Variants in COL15A1 observed in about 807,000 individuals in gnomAD.
COL15A1 encodes the protein collagen type XV alpha 1 chain.
A neutral mutation model predicts 165.9 loss-of-function variants in COL15A1; 111 were observed. The observed-to-expected ratio is 0.67, with a 90% CI of 0.57 to 0.78. The LOEUF (loss-of-function observed/expected upper bound fraction) is 0.78. Among genes scored for constraint, COL15A1 ranks in the 30% least tolerant of loss-of-function variants. COL15A1 has a pLI of 0.00. For synonymous variants in COL15A1, 659 were observed against 674.8 expected (o/e 0.98, Z 0.36); for missense variants, 1,745 against 1,789.7 (o/e 0.98, Z 0.45).
chr9:98,961,461 G>T (rs1837864234), intron 2 of COL15A1, among the ~76,000 whole-genome samples: 1 of 152,194 alleles, frequency 6.6e-6, no homozygotes, highest in African/African-American at 2.4e-5. Flanking sequence ...AACAGATTTA[G>T]CCAGGAAAGG....
rs928025482 is a variant in COL15A1 at position 98,985,425 on chromosome 9, T to C, written c.101-140T>C. On this transcript the variant is annotated intron_variant, in intron 2 of 41. Coordinates refer to ENST00000375001, the MANE Select transcript of COL15A1 (RefSeq NM_001855.5). ...TTTTTGTGGGTCGTTGTCAAAACGT[T>C]TGAAAAACAACCATTTAGGAACTAC... 5.2e-5 allele frequency: 44 copies of C among 849,504 alleles called. No homozygotes were observed. In the South Asian group the frequency reaches 6.1e-4, roughly 12 times the overall value. 52.6% of individuals were successfully genotyped at this position (849,504 alleles called of 1,614,324 possible). A position where few individuals can be genotyped will look rare whatever the true frequency, so the allele number is the denominator to read the frequency against.
intron 5 of COL15A1, among the ~76,000 whole-genome samples, chr9:98,992,288 A>C (rs1038929707): frequency 6.6e-6 from 1 of 152,258 alleles, no homozygotes; most frequent in African/African-American, 2.4e-5. Flanking sequence ...ATTCGAGAGC[A>C]GTGCGGGCCG....
At chr9:98,972,323 G>C (rs1470789008) in intron 2 of COL15A1, among the ~76,000 whole-genome samples, 3 of 152,058 alleles carry the variant, frequency 2.0e-5, no homozygotes, top group Admixed American at 2.0e-4. Flanking sequence ...GAAAGACTCT[G>C]ATTCCATAGG....
At chr9:99,048,056 G>A (rs1325066507) in intron 28 of COL15A1, 56 bp downstream of exon 28, 2 of 948,282 alleles carry the variant, frequency 2.1e-6, no homozygotes, top group African/African-American at 1.6e-5. Flanking sequence ...GTGAGAGAGT[G>A]TGGGGTCCAC....
At chr9:99,009,968 T>A (rs1394081656) in intron 9 of COL15A1, among the ~76,000 whole-genome samples, 1 of 152,262 alleles carries the variant, frequency 6.6e-6, no homozygotes, top group Non-Finnish European at 1.5e-5. Flanking sequence ...TTGACATTAA[T>A]GGTTAATTTA....
rs186960928 is a variant in COL15A1, at chr9:99,058,466, A to G, written c.3338-1423A>G. ...AACCACAGGTGCCCACACAGCCATG[A>G]GGGAGGAGTAGGACTACAGGAGGTG... On this transcript the variant is annotated intron_variant, in intron 35 of 41. Transcript: ENST00000375001. Among the ~76,000 whole-genome samples, 531 of 152,292 alleles carry G rather than the reference A, an allele frequency of 3.5e-3. 1 individual carries two copies. Among genetic ancestry groups the G allele is most frequent in the Non-Finnish European group, 5.0e-3 (338 of 68,024 alleles).
intron 2 of COL15A1, among the ~76,000 whole-genome samples, chr9:98,956,449 A>C (rs563905803): frequency 6.6e-6 from 1 of 152,336 alleles, no homozygotes; most frequent in African/African-American, 2.4e-5. Context: ...TTATATATAC[A>C]CACATGCATA....
intron 2 of COL15A1, among the ~76,000 whole-genome samples, chr9:98,982,494 T>A (rs919750725): frequency 7.9e-5 from 12 of 152,196 alleles, no homozygotes; most frequent in African/African-American, 2.7e-4. Flanking sequence ...GGGCAGGGTC[T>A]GGTACGATAG....
intron 2 of COL15A1, among the ~76,000 whole-genome samples, chr9:98,968,636 A>G (rs1156924407): frequency 6.6e-6 from 1 of 152,170 alleles, no homozygotes; most frequent in Non-Finnish European, 1.5e-5. Flanking sequence ...ACTTAATTAC[A>G]TCTCAAAGAC....
intron 9 of COL15A1, among the ~76,000 whole-genome samples, chr9:99,014,240 T>C (rs1375579601): frequency 2.6e-5 from 4 of 152,202 alleles, no homozygotes; most frequent in African/African-American, 9.6e-5. Context: ...TTACTAGAGA[T>C]AGGTCTTAGG....
At chr9:99,001,680 A>C (rs1838657937) in intron 7 of COL15A1, among the ~76,000 whole-genome samples, 1 of 152,018 alleles carries the variant, frequency 6.6e-6, no homozygotes, top group South Asian at 2.1e-4. Context: ...CTATTTTCTT[A>C]CTTCTCTCTC....
intron 16 of COL15A1, among the ~76,000 whole-genome samples, chr9:99,031,928 T>A (rs554459257): frequency 4.8e-4 from 73 of 152,298 alleles, no homozygotes; most frequent in Middle Eastern, 3.4e-3. Flanking sequence ...CTGGATTTTT[T>A]AAAATGTTTT....
chr9:99,028,484 C>T (rs1008200728), intron 16 of COL15A1, among the ~76,000 whole-genome samples: 1 of 152,104 alleles, frequency 6.6e-6, no homozygotes, highest in Admixed American at 6.6e-5. Flanking sequence ...AACTTCGTCT[C>T]TACTAAAAAT....
At chr9:99,036,816 A>C (rs1839310014) in intron 21 of COL15A1, among the ~76,000 whole-genome samples, 1 of 152,228 alleles carries the variant, frequency 6.6e-6, no homozygotes, top group South Asian at 2.1e-4. Context: ...GGAGAGCCAC[A>C]TGTTCCTGCC....
At chr9:98,994,009 C>T (rs1186072638) in intron 5 of COL15A1, among the ~76,000 whole-genome samples, 1 of 152,028 alleles carries the variant, frequency 6.6e-6, no homozygotes, top group African/African-American at 2.4e-5. Context: ...TCCTTGCTAT[C>T]CAATTCTTTG....
chr9:99,051,568 T>G (rs2117888454), intron 30 of COL15A1, among the ~76,000 whole-genome samples: 1 of 152,320 alleles, frequency 6.6e-6, no homozygotes, highest in South Asian at 2.1e-4. Flanking sequence ...TTTATCAGCA[T>G]AGCCTGCAAG....
At chr9:99,048,123 A>G (rs561446038) in intron 28 of COL15A1, 123 bp downstream of exon 28, 3 of 724,558 alleles carry the variant, frequency 4.1e-6, no homozygotes, top group East Asian at 2.7e-5. Context: ...CTTCACTGCC[A>G]CTGCCAAAGG....
At chr9:99,060,975 G>A (rs755498443) in intron 36 of COL15A1, among the ~76,000 whole-genome samples, 17 of 152,338 alleles carry the variant, frequency 1.1e-4, no homozygotes, top group Non-Finnish European at 2.4e-4. Context: ...GGATAATTCA[G>A]TCTTCTCCAT....
chr9:99,049,686 T>G lies in COL15A1; in HGVS notation c.2794-4T>G. On this transcript the variant is annotated splice_region_variant and splice_polypyrimidine_tract_variant and intron_variant, in intron 28 of 41. Coordinates refer to ENST00000375001, the MANE Select transcript of COL15A1 (RefSeq NM_001855.5). ...AATGGAATGGCCTTTTTTTCTTCCT[T>G]CAGGGCCCACCTGGCTTACCTGGCC... 6.2e-7 allele frequency: 1 copy of G among 1,612,980 alleles called. No homozygotes were observed. Among genetic ancestry groups the G allele is most frequent in the Non-Finnish European group, 8.5e-7 (1 of 1,179,932 alleles).
Sources: gnomAD v4.1 joint callset for allele counts (sites outside exome capture counted in the v4.1 genomes callset) on GRCh38, gnomAD v4.1.1 for gene constraint, MANE v1.5 for transcripts, NCBI Gene and HGNC (gene_info 2026-07-23, HGNC 2026-07-21) for gene names.